The following EXOC4 variants were observed in gnomAD, a reference collection of about 807,000 sequenced individuals.
The protein encoded by EXOC4 is exocyst complex component 4.
A neutral mutation model predicts 107.2 loss-of-function variants in EXOC4; 71 were observed. The observed-to-expected ratio is 0.66, with a 90% CI of 0.55 to 0.81. The LOEUF (loss-of-function observed/expected upper bound fraction) is 0.81, where lower values mean the gene tolerates loss of function less well. Among genes scored for constraint, EXOC4 ranks in the 30% least tolerant of loss-of-function variants. The probability of loss-of-function intolerance (pLI) is 0.00; values close to 1 mark genes in which losing one functional copy is unlikely to be tolerated. For missense variants in EXOC4, 1,108 were observed against 1,189.6 expected, an observed-to-expected ratio of 0.93 and a Z score of 1.01; for synonymous variants, 456 against 441.2, an observed-to-expected ratio of 1.03 and a Z score of -0.42.
intron 7 of EXOC4, among the ~76,000 whole-genome samples, chr7:133,396,659 A>G (rs1796976472): frequency 6.6e-6 from 1 of 152,146 alleles, no homozygotes; most frequent in African/African-American, 2.4e-5. Flanking sequence ...ACTCTCTCTC[A>G]TTCATTTAGT....
intron 7 of EXOC4, among the ~76,000 whole-genome samples, chr7:133,388,745 T>A (rs1796785337): frequency 6.6e-6 from 1 of 152,198 alleles, no homozygotes. Context: ...TAATTATTTT[T>A]TACATTTTGT....
chr7:133,783,618 G>A (rs1249842957), intron 10 of EXOC4, among the ~76,000 whole-genome samples: 1 of 152,154 alleles, frequency 6.6e-6, no homozygotes, highest in Non-Finnish European at 1.5e-5. Flanking sequence ...GTGTGTATTC[G>A]GTGAACTGTG....
intron 11 of EXOC4, among the ~76,000 whole-genome samples, chr7:133,868,980 C>T (rs995495457): frequency 1.3e-5 from 2 of 152,068 alleles, no homozygotes; most frequent in Non-Finnish European, 2.9e-5. Flanking sequence ...CCCTGCCTCT[C>T]CCAGCAGGCA....
chr7:133,469,346 G>A (rs563862927), intron 7 of EXOC4, among the ~76,000 whole-genome samples: 18 of 152,104 alleles, frequency 1.2e-4, no homozygotes, highest in Non-Finnish European at 2.5e-4. Flanking sequence ...AACCTGGGAG[G>A]TGGCGGATGC....
intron 7 of EXOC4, among the ~76,000 whole-genome samples, chr7:133,466,319 AAGAGAAGTCTAAAGAATACCAAAAG>A (rs1563076453): frequency 2.0e-5 from 3 of 152,156 alleles, no homozygotes; most frequent in African/African-American, 7.2e-5. Flanking sequence ...CCAATTAAAA[AAGAGAAGTCTAAAGAATACCAAAAG>A]AGAGAAGTCT....
chr7:134,029,654 GGACCAC>G (rs1349855171), intron 17 of EXOC4, among the ~76,000 whole-genome samples: 2 of 152,024 alleles, frequency 1.3e-5, no homozygotes, highest in Non-Finnish European at 2.9e-5. Context: ...TGAGTACCTG[GGACCAC>G]AGGCAGACAC....
intron 7 of EXOC4, among the ~76,000 whole-genome samples, chr7:133,382,663 T>C (rs1471646173): frequency 6.6e-6 from 1 of 152,176 alleles, no homozygotes; most frequent in Non-Finnish European, 1.5e-5. Context: ...TTATGATGAA[T>C]AGAGTTATAA....
the EXOC4 span, among the ~76,000 whole-genome samples, chr7:134,087,477 T>C: frequency 6.6e-6 from 1 of 152,066 alleles, no homozygotes. Flanking sequence ...ACACAAAGAG[T>C]ACAACAGCAA....
chr7:133,727,135 T>G (rs944749545), intron 10 of EXOC4, among the ~76,000 whole-genome samples: 13 of 152,236 alleles, frequency 8.5e-5, no homozygotes, highest in African/African-American at 3.1e-4. Flanking sequence ...AATCTGTTTT[T>G]GTTATTGATC....
At chr7:133,868,294 C>T (rs1284159354) in intron 11 of EXOC4, among the ~76,000 whole-genome samples, 1 of 152,148 alleles carries the variant, frequency 6.6e-6, no homozygotes, top group Non-Finnish European at 1.5e-5. Context: ...CTCTAATCTG[C>T]CTTCTGGAGA....
intron 9 of EXOC4, among the ~76,000 whole-genome samples, chr7:133,538,531 G>T (rs1800316986): frequency 6.6e-6 from 1 of 152,070 alleles, no homozygotes; most frequent in Non-Finnish European, 1.5e-5. Context: ...AAAAGGATTT[G>T]TAGGAAAGGA....
intron 10 of EXOC4, among the ~76,000 whole-genome samples, chr7:133,705,085 C>T (rs1794740839): frequency 2.6e-5 from 4 of 152,136 alleles, no homozygotes; most frequent in Non-Finnish European, 4.4e-5. Context: ...AAGAGAGAGG[C>T]AGGCACGGTG....
intron 5 of EXOC4, among the ~76,000 whole-genome samples, chr7:133,346,267 C>T (rs925185829): frequency 2.0e-5 from 3 of 152,056 alleles, no homozygotes; most frequent in Non-Finnish European, 4.4e-5. Context: ...GTTGGCTCAC[C>T]TGGCCTGTGG....
At chr7:133,941,001 G>T (rs1396537303) in intron 14 of EXOC4, among the ~76,000 whole-genome samples, 1 of 151,636 alleles carries the variant, frequency 6.6e-6, no homozygotes, top group Non-Finnish European at 1.5e-5. Flanking sequence ...AAAGTTTGCA[G>T]AAAATTATTT....
intron 9 of EXOC4, among the ~76,000 whole-genome samples, chr7:133,557,643 GTC>G (rs1800718649): frequency 6.6e-6 from 1 of 152,158 alleles, no homozygotes; most frequent in Non-Finnish European, 1.5e-5. Flanking sequence ...AATAGTAAAA[GTC>G]TTTCTGATCC....
intron 7 of EXOC4, among the ~76,000 whole-genome samples, chr7:133,455,285 T>A (rs966413058): frequency 6.6e-6 from 1 of 152,134 alleles, no homozygotes; most frequent in African/African-American, 2.4e-5. Flanking sequence ...CAGCATGCAA[T>A]TAAAAACTTA....
chr7:134,078,407 A>G, the EXOC4 span, among the ~76,000 whole-genome samples: 1 of 151,986 alleles, frequency 6.6e-6, no homozygotes. Flanking sequence ...AACCCCCTAC[A>G]AGTTGCCACA....
intron 10 of EXOC4, among the ~76,000 whole-genome samples, chr7:133,712,058 G>GTACC (rs1429433674): frequency 6.6e-6 from 1 of 152,114 alleles, no homozygotes; most frequent in African/African-American, 2.4e-5. Flanking sequence ...AAAGACTGAA[G>GTACC]TACCACAGTA....
chr7:133,426,015 A>C (rs933593509), intron 7 of EXOC4, among the ~76,000 whole-genome samples: 5 of 152,230 alleles, frequency 3.3e-5, no homozygotes, highest in Non-Finnish European at 7.3e-5. Context: ...CACCTTGGGC[A>C]CGTGTTCTCA....
Sources: gnomAD v4.1 joint callset for allele counts (sites outside exome capture counted in the v4.1 genomes callset) on GRCh38, gnomAD v4.1.1 for gene constraint, MANE v1.5 for transcripts, NCBI Gene and HGNC (gene_info 2026-07-23, HGNC 2026-07-21) for gene names.